NRG1: variants seen among roughly 807,000 people sequenced by gnomAD.
The protein encoded by NRG1 is neuregulin 1.
NRG1 carries 18 observed loss-of-function variants against 63.8 expected under a neutral mutation model. The observed-to-expected ratio is 0.28, with a 90% confidence interval of 0.19 to 0.42. NRG1 has a LOEUF of 0.42. NRG1 is among the 10% of genes least tolerant of loss of function. The probability of loss-of-function intolerance (pLI) is 1.00; values close to 1 mark genes in which losing one functional copy is unlikely to be tolerated. For missense variants in NRG1, 762 were observed against 814.7 expected (o/e 0.94, Z 0.79); for synonymous variants, 302 against 301.3 (o/e 1.00, Z -0.02).
intron 1 of NRG1, among the ~76,000 whole-genome samples, chr8:32,411,570 T>A (rs1377756376): frequency 6.6e-6 from 1 of 152,166 alleles, no homozygotes; most frequent in East Asian, 1.9e-4. Context: ...CTCAAAATAT[T>A]GTGTGCTCCA....
intron 1 of NRG1, among the ~76,000 whole-genome samples, chr8:32,329,520 T>C (rs1443298829): frequency 6.6e-6 from 1 of 152,088 alleles, no homozygotes; most frequent in African/African-American, 2.4e-5. Context: ...TAAAAGGCAG[T>C]TGATTGATAA....
At chr8:32,243,012 G>A (rs1266716310) in intron 1 of NRG1, among the ~76,000 whole-genome samples, 1 of 152,114 alleles carries the variant, frequency 6.6e-6, no homozygotes, top group African/African-American at 2.4e-5. Context: ...GCAAGGGAAA[G>A]ATTGTTCTGG....
At chr8:31,935,229 G>T (rs1487449984) in intron 1 of NRG1, among the ~76,000 whole-genome samples, 1 of 152,004 alleles carries the variant, frequency 6.6e-6, no homozygotes, top group Non-Finnish European at 1.5e-5. Context: ...TAATCCTCCT[G>T]CCTCAGCCTC....
chr8:31,716,414 A>T (rs1432712728), intron 1 of NRG1, among the ~76,000 whole-genome samples: 2 of 152,216 alleles, frequency 1.3e-5, no homozygotes, highest in African/African-American at 4.8e-5. Context: ...ATTTTCCTTC[A>T]GAAGCGCATC....
At chr8:31,964,162 G>A (rs1455188919) in intron 1 of NRG1, among the ~76,000 whole-genome samples, 1 of 152,178 alleles carries the variant, frequency 6.6e-6, no homozygotes, top group Non-Finnish European at 1.5e-5. Context: ...AGCAGGTCAT[G>A]GTGAAGCAGA....
At chr8:32,103,294 T>C (rs1397878730) in intron 1 of NRG1, among the ~76,000 whole-genome samples, 1 of 152,208 alleles carries the variant, frequency 6.6e-6, no homozygotes, top group Non-Finnish European at 1.5e-5. Context: ...ATGTTTGTCT[T>C]TCTGTTCCTG....
At chr8:31,942,498 A>G (rs1205585756) in intron 1 of NRG1, among the ~76,000 whole-genome samples, 1 of 152,186 alleles carries the variant, frequency 6.6e-6, no homozygotes, top group African/African-American at 2.4e-5. Flanking sequence ...AATGACCAAG[A>G]ACCCAAAAGT....
chr8:32,530,097 A>G (rs1354261089), intron 1 of NRG1, among the ~76,000 whole-genome samples: 1 of 151,922 alleles, frequency 6.6e-6, no homozygotes, highest in South Asian at 2.1e-4. Context: ...TTTTAGCTCC[A>G]TTATAATCCT....
At chr8:32,635,969 A>G (rs773740276) in intron 5 of NRG1, among the ~76,000 whole-genome samples, 4 of 152,190 alleles carry the variant, frequency 2.6e-5, no homozygotes, top group Non-Finnish European at 4.4e-5. Flanking sequence ...AGCAGTAGAC[A>G]TTTGGAAGAG....
At position 32,160,889 on chromosome 8, in the gene NRG1, G is replaced by T. The variant is rs771406070; in HGVS notation, c.38-434939G>T. Reference sequence around the variant, plus strand: ...TCTGGTAAGTGATTTCTAAATTCCCGTAGAAAAGCCTTTAAAAAGAAAACT... The same window carrying T: ...TCTGGTAAGTGATTTCTAAATTCCCTTAGAAAAGCCTTTAAAAAGAAAACT... On this transcript the variant is annotated intron_variant, in intron 1 of 10. Coordinates refer to the NRG1 transcript ENST00000519301. Among the ~76,000 whole-genome samples the T allele has an allele frequency of 5.9e-5, 9 of 152,148 alleles. No individual in the cohort carries two copies. The East Asian group carries it at 1.7e-3, about 29-fold the overall frequency.
intron 1 of NRG1, among the ~76,000 whole-genome samples, chr8:31,811,916 G>T (rs916305945): frequency 5.3e-5 from 8 of 152,072 alleles, no homozygotes; most frequent in African/African-American, 1.9e-4. Context: ...CTCAAACTAT[G>T]AGTTATTAGA....
At chr8:32,705,416 C>T (rs770743499) in intron 5 of NRG1, among the ~76,000 whole-genome samples, 15 of 152,170 alleles carry the variant, frequency 9.9e-5, no homozygotes, top group Admixed American at 6.5e-4. Flanking sequence ...CAGGCGTGAG[C>T]CACCGCGCCC....
At chr8:32,344,427 G>GCA (rs1205484885) in intron 1 of NRG1, among the ~76,000 whole-genome samples, 2 of 26,732 alleles carry the variant, frequency 7.5e-5, no homozygotes, top group Admixed American at 2.7e-4. Context: ...GCATGTGTGT[G>GCA]TGTGTGTGTG....
intron 1 of NRG1, among the ~76,000 whole-genome samples, chr8:32,562,483 A>G (rs966131628): frequency 6.6e-6 from 1 of 152,042 alleles, no homozygotes; most frequent in South Asian, 2.1e-4. Flanking sequence ...TTCTGGGCTC[A>G]AGGAGTCCTT....
intron 1 of NRG1, among the ~76,000 whole-genome samples, chr8:31,756,086 G>T (rs1157640790): frequency 6.6e-6 from 1 of 152,008 alleles, no homozygotes. Flanking sequence ...CAATCTGCAA[G>T]ATCCTTACAG....
chr8:31,754,589 A>C (rs1586165510), intron 1 of NRG1, among the ~76,000 whole-genome samples: 1 of 152,164 alleles, frequency 6.6e-6, no homozygotes, highest in African/African-American at 2.4e-5. Flanking sequence ...TCTTTATAGC[A>C]ACGCAACAAT....
chr8:31,946,355 CTA>C (rs1446613621), intron 1 of NRG1, among the ~76,000 whole-genome samples: 2 of 152,144 alleles, frequency 1.3e-5, no homozygotes, highest in African/African-American at 4.8e-5. Flanking sequence ...CTCAGAATCT[CTA>C]TGGCTCTTCT....
At chr8:32,164,313 G>T (rs1362292137) in intron 1 of NRG1, among the ~76,000 whole-genome samples, 10 of 151,722 alleles carry the variant, frequency 6.6e-5, no homozygotes, top group Non-Finnish European at 1.2e-4. Context: ...TTTGAATTTG[G>T]AATGCTTCCT....
intron 1 of NRG1, among the ~76,000 whole-genome samples, chr8:32,525,822 T>C (rs12548924): frequency 0.17 from 25,358 of 152,146 alleles, 2,505 homozygotes; most frequent in Admixed American, 0.31. Flanking sequence ...TTGTTGATTT[T>C]CTTCTTTATA....
Sources: allele counts gnomAD v4.1 joint callset (sites outside exome capture counted in the v4.1 genomes callset), GRCh38; gene constraint gnomAD v4.1.1; transcripts MANE v1.5; gene names NCBI Gene and HGNC (gene_info 2026-07-23, HGNC 2026-07-21).